RHBDD1: variants seen among roughly 807,000 people sequenced by gnomAD.
The protein encoded by RHBDD1 is rhomboid-related protein 4.
A neutral mutation model predicts 36.3 loss-of-function variants in RHBDD1; 38 were observed. The observed-to-expected ratio is 1.05, with a 90% CI of 0.81 to 1.37. The LOEUF (loss-of-function observed/expected upper bound fraction) is 1.37. RHBDD1 is among the 40% of genes most tolerant of loss of function. RHBDD1 has a pLI of 0.00. For missense variants in RHBDD1, 393 were observed against 377.6 expected (o/e 1.04, Z -0.34); for synonymous variants, 151 against 136.5 (o/e 1.11, Z -0.74).
chr2:226,995,165 G>A (rs1001831299), intron 8 of RHBDD1, among the ~76,000 whole-genome samples: 1 of 152,028 alleles, frequency 6.6e-6, no homozygotes, highest in Non-Finnish European at 1.5e-5. Context: ...TATGGAGCAC[G>A]ATGGAAGGAA....
chr2:226,936,172 G>A (rs1950317805), intron 8 of RHBDD1, among the ~76,000 whole-genome samples: 1 of 152,054 alleles, frequency 6.6e-6, no homozygotes, highest in Non-Finnish European at 1.5e-5. Flanking sequence ...ATTCTTACTT[G>A]CTGCTGTGTG....
At chr2:226,961,569 A>G (rs888305649) in intron 8 of RHBDD1, among the ~76,000 whole-genome samples, 1 of 152,122 alleles carries the variant, frequency 6.6e-6, no homozygotes, top group African/African-American at 2.4e-5. Context: ...TTTTCACAAG[A>G]ACTCATGAAG....
the RHBDD1 span, among the ~76,000 whole-genome samples, chr2:226,818,159 T>A: frequency 2.3e-5 from 3 of 132,442 alleles, no homozygotes; most frequent in African/African-American, 6.7e-5. Flanking sequence ...AGTATTTTTT[T>A]TTTTTTTTTT....
intron 5 of RHBDD1, among the ~76,000 whole-genome samples, chr2:226,891,338 T>G (rs1052782832): frequency 6.6e-6 from 1 of 152,224 alleles, no homozygotes; most frequent in African/African-American, 2.4e-5. Flanking sequence ...ACTCTCTCCC[T>G]AAGGCAGCTC....
intron 3 of RHBDD1, among the ~76,000 whole-genome samples, chr2:226,849,093 T>C (rs1942529093): frequency 6.6e-6 from 1 of 152,258 alleles, no homozygotes; most frequent in South Asian, 2.1e-4. Flanking sequence ...CTCAATGTTT[T>C]AGATCATTTA....
intron 8 of RHBDD1, among the ~76,000 whole-genome samples, chr2:226,991,769 G>A (rs115123253): frequency 0.016 from 2,500 of 152,324 alleles, 38 homozygotes; most frequent in South Asian, 0.041. Context: ...AAGTGGAGGA[G>A]TTGGGATTTA....
At chr2:226,809,126 A>G in the RHBDD1 span, among the ~76,000 whole-genome samples, 1 of 152,238 alleles carries the variant, frequency 6.6e-6, no homozygotes, top group Non-Finnish European at 1.5e-5. Context: ...ATGATACTGG[A>G]TAAAATCATC....
At chr2:226,816,393 A>G in the RHBDD1 span, among the ~76,000 whole-genome samples, 95 of 150,142 alleles carry the variant, frequency 6.3e-4, no homozygotes, top group African/African-American at 1.3e-3. Flanking sequence ...AAAAAAAAAA[A>G]AAAGAAAAAA....
At chr2:226,896,635 T>TA (rs1947117416) in intron 5 of RHBDD1, among the ~76,000 whole-genome samples, 1 of 152,174 alleles carries the variant, frequency 6.6e-6, no homozygotes, top group Admixed American at 6.5e-5. Flanking sequence ...AGATCACTCC[T>TA]AAAAATGCTC....
intron 3 of RHBDD1, among the ~76,000 whole-genome samples, chr2:226,857,317 G>C (rs1943428617): frequency 6.6e-6 from 1 of 152,080 alleles, no homozygotes; most frequent in Non-Finnish European, 1.5e-5. Context: ...GGTGAAACTG[G>C]AACCCCTGTA....
rs1297739965 is a variant in RHBDD1 at position 226,906,129 on chromosome 2, G to A, written c.567-664G>A. ...AAAATAAATCTTACAAGTAATTGCT[G>A]GTTTTAGATGCCAGTTTAAGAAGAG... is the stretch of plus-strand genomic sequence containing the variant. On this transcript the variant is annotated intron_variant, in intron 5 of 8. Transcript: ENST00000392062. 3.3e-5 allele frequency among the ~76,000 whole-genome samples: 5 copies of A among 152,134 alleles called. No homozygotes were observed. In the East Asian group the frequency reaches 5.8e-4, roughly 18 times the overall value.
intron 8 of RHBDD1, among the ~76,000 whole-genome samples, chr2:226,924,203 C>T (rs1949517666): frequency 6.6e-6 from 1 of 152,102 alleles, no homozygotes; most frequent in African/African-American, 2.4e-5. Flanking sequence ...TATTCAGGTC[C>T]CTAGAGCCCT....
intron 5 of RHBDD1, among the ~76,000 whole-genome samples, chr2:226,904,393 C>A (rs56191731): frequency 0.02 from 2,917 of 142,650 alleles, 137 homozygotes; most frequent in African/African-American, 0.075. Flanking sequence ...CAAGTTACAC[C>A]ACTGTGGCAC....
At chr2:226,810,730 A>G in the RHBDD1 span, among the ~76,000 whole-genome samples, 2 of 152,058 alleles carry the variant, frequency 1.3e-5, no homozygotes, top group African/African-American at 4.8e-5. Context: ...AGGCAGAGGC[A>G]TAAGAAAAAC....
intron 5 of RHBDD1, among the ~76,000 whole-genome samples, chr2:226,900,724 G>T (rs1361074302): frequency 1.3e-5 from 2 of 152,134 alleles, no homozygotes; most frequent in East Asian, 1.9e-4. Context: ...TTTCCCCCCA[G>T]CTTTATTGAG....
chr2:226,825,439 C>A, the RHBDD1 span, among the ~76,000 whole-genome samples: 1 of 152,020 alleles, frequency 6.6e-6, no homozygotes, highest in Admixed American at 6.6e-5. Context: ...AGCTGTAAAC[C>A]AAATTTAATT....
At chr2:226,941,210 C>T (rs1042828118) in intron 8 of RHBDD1, among the ~76,000 whole-genome samples, 1 of 152,176 alleles carries the variant, frequency 6.6e-6, no homozygotes, top group Non-Finnish European at 1.5e-5. Context: ...AGGTGATCCA[C>T]CCGCCTCAGC....
the RHBDD1 span, among the ~76,000 whole-genome samples, chr2:226,822,312 T>G: frequency 1.5e-4 from 23 of 151,140 alleles, no homozygotes; most frequent in East Asian, 1.9e-3. Flanking sequence ...TTTAATTTTT[T>G]GGGGATGCTT....
At chr2:226,961,505 C>T (rs1952198124) in intron 8 of RHBDD1, among the ~76,000 whole-genome samples, 1 of 151,860 alleles carries the variant, frequency 6.6e-6, no homozygotes, top group South Asian at 2.1e-4. Flanking sequence ...TTAGCAAGTC[C>T]CTTTTATGTA....
Sources: allele counts gnomAD v4.1 joint callset (sites outside exome capture counted in the v4.1 genomes callset), GRCh38; gene constraint gnomAD v4.1.1; transcripts MANE v1.5; gene names NCBI Gene and HGNC (gene_info 2026-07-23, HGNC 2026-07-21).